Variants in ANKS1B observed in about 807,000 individuals in gnomAD.
The protein encoded by ANKS1B is ankyrin repeat and sterile alpha motif domain-containing protein 1B.
A neutral mutation model predicts 148.3 loss-of-function variants in ANKS1B; 36 were observed. The ratio of observed to expected loss-of-function variants is 0.24; its 90% CI spans 0.19 to 0.32. The LOEUF (loss-of-function observed/expected upper bound fraction) is 0.32, where lower values mean the gene tolerates loss of function less well. Among genes scored for constraint, ANKS1B ranks in the 10% least tolerant of loss-of-function variants. The pLI, the probability that ANKS1B is intolerant of heterozygous loss-of-function variation, is 1.00. For missense variants in ANKS1B, 1,157 were observed against 1,542.6 expected, an observed-to-expected ratio of 0.75 and a Z score of 4.19; for synonymous variants, 542 against 560.8, an observed-to-expected ratio of 0.97 and a Z score of 0.47.
In ANKS1B at chr12:99,402,730, T is replaced by C. The variant is rs190475294; in HGVS notation, c.1576-2919A>G. 2.7e-5 allele frequency among the ~76,000 whole-genome samples: 4 copies of C among 146,456 alleles called. 1 individual carries two copies. Among genetic ancestry groups the C allele is most frequent in the African/African-American group, 7.8e-5 (3 of 38,696 alleles). On this transcript the variant is annotated intron_variant, in intron 11 of 26. Transcript: ENST00000683438. ...TTATCCAGTCTATCATTGGTGAGCA[T>C]TGAGGTTGATTCCATGTCTTTCATA...
intron 15 of ANKS1B, among the ~76,000 whole-genome samples, chr12:99,147,705 A>AT (rs1330391551): frequency 1.3e-5 from 2 of 152,126 alleles, no homozygotes; most frequent in Non-Finnish European, 2.9e-5. Context: ...TGGAGAACAG[A>AT]TATGGATCTA....
At chr12:99,614,865 C>T (rs1015679512) in intron 9 of ANKS1B, among the ~76,000 whole-genome samples, 9 of 147,852 alleles carry the variant, frequency 6.1e-5, no homozygotes, top group Admixed American at 4.9e-4. Flanking sequence ...ATATTCCTTT[C>T]GGTTCTCTTA....
chr12:99,267,425 C>T (rs2076555804), intron 12 of ANKS1B, among the ~76,000 whole-genome samples: 1 of 151,996 alleles, frequency 6.6e-6, no homozygotes, highest in African/African-American at 2.4e-5. Context: ...ATTAAAATAT[C>T]TTACATTTTT....
chr12:99,488,198 A>C (rs2096519069), intron 10 of ANKS1B, among the ~76,000 whole-genome samples: 1 of 152,076 alleles, frequency 6.6e-6, no homozygotes. Context: ...ATTTTAACCC[A>C]ATTCTTTCAA....
chr12:99,450,468 C>T (rs925052285), intron 10 of ANKS1B, among the ~76,000 whole-genome samples: 10 of 152,284 alleles, frequency 6.6e-5, no homozygotes, highest in African/African-American at 2.4e-4. Context: ...TGCTTTTGCA[C>T]TAAAGCCAGA....
At chr12:99,187,945 C>T (rs1255130040) in intron 14 of ANKS1B, among the ~76,000 whole-genome samples, 1 of 151,908 alleles carries the variant, frequency 6.6e-6, no homozygotes, top group African/African-American at 2.4e-5. Context: ...ATTCAGGAGA[C>T]CCATCTCATG....
At chr12:99,476,286 G>A (rs1030038927) in intron 10 of ANKS1B, among the ~76,000 whole-genome samples, 1 of 152,126 alleles carries the variant, frequency 6.6e-6, no homozygotes, top group Admixed American at 6.5e-5. Flanking sequence ...CCAGCTACTT[G>A]GGAGGCTAAG....
chr12:99,238,233 A>G (rs533835125), intron 14 of ANKS1B, among the ~76,000 whole-genome samples: 109 of 152,244 alleles, frequency 7.2e-4, no homozygotes, highest in Non-Finnish European at 1.2e-3. Flanking sequence ...CAACTGGCAG[A>G]CCAGGAGATA....
chr12:99,319,099 G>A (rs965893133), intron 12 of ANKS1B, among the ~76,000 whole-genome samples: 31 of 152,160 alleles, frequency 2.0e-4, no homozygotes, highest in African/African-American at 7.2e-4. Context: ...CCAACTATGT[G>A]GTCAATTTTG....
intron 8 of ANKS1B, among the ~76,000 whole-genome samples, chr12:99,748,920 A>T (rs1275279197): frequency 6.6e-6 from 1 of 152,136 alleles, no homozygotes; most frequent in Non-Finnish European, 1.5e-5. Flanking sequence ...TACTGAATTA[A>T]CAAATCCTGG....
downstream of ANKS1B, among the ~76,000 whole-genome samples, chr12:98,740,709 T>C (rs2097794184): frequency 6.6e-6 from 1 of 152,222 alleles, no homozygotes; most frequent in Non-Finnish European, 1.5e-5. Flanking sequence ...CCCTGCATTG[T>C]TGGGGGCTGC....
chr12:98,831,681 T>C (rs2099317265), intron 18 of ANKS1B: 2 of 199,460 alleles, frequency 1.0e-5, no homozygotes, highest in African/African-American at 2.3e-5. Flanking sequence ...GTAAACTTCA[T>C]AGAAAAGAGC....
At chr12:99,143,730 A>G (rs1473154438) in intron 15 of ANKS1B, among the ~76,000 whole-genome samples, 1 of 152,086 alleles carries the variant, frequency 6.6e-6, no homozygotes, top group Non-Finnish European at 1.5e-5. Flanking sequence ...GTGTATGGTG[A>G]GAAAGTTTCC....
intron 9 of ANKS1B, among the ~76,000 whole-genome samples, chr12:99,568,084 T>G (rs954125966): frequency 6.6e-6 from 1 of 152,206 alleles, no homozygotes; most frequent in Non-Finnish European, 1.5e-5. Context: ...TTTCATAATT[T>G]ATTGGCTTCA....
At chr12:98,736,250 G>A (rs1376387723) in intron 9 of ANKS1B, among the ~76,000 whole-genome samples, 1 of 152,302 alleles carries the variant, frequency 6.6e-6, no homozygotes. Flanking sequence ...GTAATCATCC[G>A]GACAAAATGA....
At chr12:99,646,557 T>G (rs1413167280) in intron 9 of ANKS1B, among the ~76,000 whole-genome samples, 1 of 145,824 alleles carries the variant, frequency 6.9e-6, no homozygotes, top group Non-Finnish European at 1.5e-5. Flanking sequence ...GGAAAGCTGA[T>G]GCAGGAGAAT....
In ANKS1B at chr12:99,504,652, G is replaced by A; in HGVS notation, c.1273-11C>T. ...CTTTGGATAGGACTCCTGAAAAGAA[G>A]AAAAAATAAAAACAGCTTTGTGATG... is the stretch of plus-strand genomic sequence containing the variant. On this transcript the variant is annotated splice_polypyrimidine_tract_variant and intron_variant, in intron 9 of 26. Transcript: ENST00000683438. 1 of 1,516,656 alleles carries A rather than the reference G, an allele frequency of 6.6e-7. No individual in the cohort carries two copies. The allele number at this position is 1,516,656 out of a possible 1,614,324, so 93.9% of individuals were successfully genotyped here.
chr12:99,027,261 T>A (rs543898589), intron 17 of ANKS1B, among the ~76,000 whole-genome samples: 1 of 152,254 alleles, frequency 6.6e-6, no homozygotes, highest in Non-Finnish European at 1.5e-5. Context: ...TGGAAATATG[T>A]TGAAGACAAA....
At position 99,660,363 on chromosome 12, in the gene ANKS1B, C is replaced by CTTTTTTT. The variant is rs71088137; in HGVS notation, c.1129-5160_1129-5154dup. 3.3e-3 allele frequency among the ~76,000 whole-genome samples: 394 copies of CTTTTTTT among 120,468 alleles called. 1 individual carries two copies. The highest frequency in any genetic ancestry group is 4.1e-3 in the East Asian group (17 of 4,146). The allele number at this position is 120,468 out of a possible 152,430, so 79.0% of individuals were successfully genotyped here. On this transcript the variant is annotated intron_variant, in intron 8 of 26. Coordinates refer to ENST00000683438, the MANE Select transcript of ANKS1B (RefSeq NM_001352186.2). The stretch of plus-strand genomic sequence containing the variant: ...TACCTTTATCTTTCTTTTTCTTTTT[C>CTTTTTTT]TTTTTTTTTTTTTTTTTTGAGGTGG...
Sources: allele counts gnomAD v4.1 joint callset (sites outside exome capture counted in the v4.1 genomes callset), GRCh38; gene constraint gnomAD v4.1.1; transcripts MANE v1.5; gene names NCBI Gene and HGNC (gene_info 2026-07-23, HGNC 2026-07-21).